SNCAIP: variants seen among roughly 807,000 people sequenced by gnomAD.
The protein encoded by SNCAIP is synphilin-1.
SNCAIP carries 43 observed loss-of-function variants against 86.7 expected under a neutral mutation model. That is an observed-to-expected ratio of 0.50 (90% CI 0.39 to 0.64). The LOEUF is 0.64. SNCAIP is among the 30% of genes least tolerant of loss of function. SNCAIP has a pLI of 0.00. For missense variants in SNCAIP, 981 were observed against 1,103.1 expected, an observed-to-expected ratio of 0.89 and a Z score of 1.57; for synonymous variants, 417 against 427.2, an observed-to-expected ratio of 0.98 and a Z score of 0.29.
intron 10 of SNCAIP, among the ~76,000 whole-genome samples, chr5:122,461,474 A>G (rs1021558674): frequency 6.6e-6 from 1 of 152,088 alleles, no homozygotes; most frequent in Non-Finnish European, 1.5e-5. Flanking sequence ...AATGTTAGAC[A>G]CACTGGACTG....
intron 1 of SNCAIP, among the ~76,000 whole-genome samples, chr5:122,372,987 A>G (rs1218029229): frequency 1.3e-5 from 2 of 152,134 alleles, no homozygotes; most frequent in Non-Finnish European, 2.9e-5. Context: ...AATCTCTGTC[A>G]TGTTATTGCT....
rs1308180144 is a variant in SNCAIP at position 122,453,012 on chromosome 5, G to T, written c.2754+1411G>T. 2.7e-6 allele frequency: 4 copies of T among 1,500,154 alleles called. No homozygotes were observed. In the Admixed American group the frequency reaches 5.9e-5, roughly 22 times the overall value. 92.9% of individuals were successfully genotyped at this position (1,500,154 alleles called of 1,614,324 possible). ...CGACACACGGTACGTGGTGCTAGGA[G>T]ATATGCTGTGCGGCATTGACATGCT... is the stretch of plus-strand genomic sequence containing the variant. On this transcript the variant is annotated intron_variant, in intron 10 of 10. Transcript: ENST00000261368.
At chr5:122,312,962 A>T (rs1750926503) in intron 1 of SNCAIP, 1 of 152,266 alleles carries the variant, frequency 6.6e-6, no homozygotes. Context: ...GTCAAAGGCC[A>T]CATTTTGTTT....
intron 1 of SNCAIP, among the ~76,000 whole-genome samples, chr5:122,322,934 A>C (rs1458870302): frequency 6.6e-6 from 1 of 152,202 alleles, no homozygotes; most frequent in Non-Finnish European, 1.5e-5. Context: ...CAACTAAAAT[A>C]TATTTCTTCA....
intron 1 of SNCAIP, among the ~76,000 whole-genome samples, chr5:122,314,129 CA>C (rs1285995533): frequency 6.6e-6 from 1 of 152,194 alleles, no homozygotes; most frequent in Non-Finnish European, 1.5e-5. Context: ...TAATTCCAGA[CA>C]GTTGTTCTGG....
intron 8 of SNCAIP, 147 bp from the exon 9 acceptor site, chr5:122,449,698 G>A (rs757257698): frequency 5.0e-5 from 32 of 644,474 alleles, no homozygotes; most frequent in Non-Finnish European, 8.1e-5. Flanking sequence ...GAAAATTTCT[G>A]AACCTGTAAG....
chr5:122,448,975 C>T (rs2152996157), intron 8 of SNCAIP, among the ~76,000 whole-genome samples: 1 of 151,060 alleles, frequency 6.6e-6, no homozygotes, highest in Non-Finnish European at 1.5e-5. Context: ...GAGATAGCAC[C>T]ACTGCAGTCC....
intron 1 of SNCAIP, among the ~76,000 whole-genome samples, chr5:122,357,229 TTTTA>T (rs554817683): frequency 2.6e-5 from 4 of 151,980 alleles, no homozygotes; most frequent in Non-Finnish European, 4.4e-5. Flanking sequence ...ACCTCTTTAT[TTTTA>T]TTTATTTATT....
chr5:122,410,485 A>C (rs1773891424), intron 3 of SNCAIP, among the ~76,000 whole-genome samples: 1 of 152,210 alleles, frequency 6.6e-6, no homozygotes, highest in Non-Finnish European at 1.5e-5. Context: ...AGATGGGGGC[A>C]GGAGGTGAGA....
chr5:122,451,469 C>T lies in SNCAIP; in HGVS notation c.2622C>T (p.Asn874=), dbSNP rs1783667968. The part of the protein sequence containing the change: ...FRSIMETLSG[N]QNNNNNYQAA... ...CTATCATGGAGACACTAAGTGGCAACCAAAACAATAATAATAACTACCAGG... is the reference window on the plus strand; with the variant it reads ...CTATCATGGAGACACTAAGTGGCAATCAAAACAATAATAATAACTACCAGG... Residue 874 remains asparagine, a synonymous_variant, in exon 10 of 11, where the codon AAC becomes AAT. Transcript: ENST00000261368. 1.2e-6 allele frequency: 2 copies of T among 1,613,704 alleles called. No individual in the cohort carries two copies. The highest frequency in any genetic ancestry group is 1.1e-5 in the South Asian group (1 of 91,064).
chr5:122,442,326 T>C (rs917193295), intron 7 of SNCAIP, among the ~76,000 whole-genome samples: 1 of 152,042 alleles, frequency 6.6e-6, no homozygotes, highest in Non-Finnish European at 1.5e-5. Context: ...AAACTATAAA[T>C]ATAAAAGGCA....
chr5:122,450,742 T>C lies in SNCAIP; in HGVS notation c.1895T>C (p.Val632Ala), dbSNP rs1178885619. Reference sequence around the variant, plus strand: ...TTGGGAAAGGAAATCTCAGAAAATGTCTGCACCCAGGAAAAACTGTCCTTG... The same window carrying C: ...TTGGGAAAGGAAATCTCAGAAAATGCCTGCACCCAGGAAAAACTGTCCTTG... ...QLLGKEISEN[V>A]CTQEKLSLEF... The change falls in exon 10 of 11, where the codon GTC becomes GCC. Residue 632 changes from valine to alanine, a missense_variant. Transcript: ENST00000261368. 11 of 1,614,038 alleles carry C rather than the reference T, an allele frequency of 6.8e-6. No individual in the cohort carries two copies. Among genetic ancestry groups the C allele is most frequent in the Middle Eastern group, 1.6e-4 (1 of 6,084 alleles).
intron 2 of SNCAIP, chr5:122,400,880 G>A (rs1771662979): frequency 1.7e-6 from 2 of 1,161,624 alleles, no homozygotes; most frequent in East Asian, 2.8e-5. Flanking sequence ...TATGTTCACT[G>A]GGAATAACCT....
chr5:122,444,848 C>A, intron 8 of SNCAIP, 116 bp downstream of exon 8: 1 of 888,424 alleles, frequency 1.1e-6, no homozygotes. Context: ...GAATTCCTAG[C>A]ATTCTCCTCT....
Position 122,450,947 on chromosome 5 carries a change from G to T in SNCAIP, c.2100G>T (p.Arg700Ser). Reference protein sequence around the residue: ...TTPVRKADRPRPQPIVESVES... With the variant: ...TTPVRKADRPSPQPIVESVES... ...CAGTGAGGAAGGCTGACCGACCAAGGCCGCAGCCCATTGTAGAAAGCGTAG... is the reference window on the plus strand; with the variant it reads ...CAGTGAGGAAGGCTGACCGACCAAGTCCGCAGCCCATTGTAGAAAGCGTAG... The change falls in exon 10 of 11, where the codon AGG becomes AGT. Residue 700 changes from arginine (R) to serine (S), a missense_variant. Physicochemically the swap from Arg to Ser is moderately radical, Grantham distance 110. Coordinates refer to ENST00000261368, the MANE Select transcript of SNCAIP (RefSeq NM_005460.4). 1 of 1,614,118 alleles carries T rather than the reference G, an allele frequency of 6.2e-7. No individual in the cohort carries two copies. The highest frequency in any genetic ancestry group is 8.5e-7 in the Non-Finnish European group (1 of 1,180,022).
intron 1 of SNCAIP, among the ~76,000 whole-genome samples, chr5:122,341,003 G>A (rs1461419087): frequency 6.6e-6 from 1 of 152,178 alleles, no homozygotes; most frequent in African/African-American, 2.4e-5. Flanking sequence ...TGGACTAAGA[G>A]GGAAGGAAAA....
chr5:122,364,266 G>A (rs1161071051), intron 1 of SNCAIP, among the ~76,000 whole-genome samples: 2 of 152,178 alleles, frequency 1.3e-5, no homozygotes. Context: ...CCATAAAAAT[G>A]GGCAACCAGC....
chr5:122,331,474 G>A (rs1475618496), intron 1 of SNCAIP, among the ~76,000 whole-genome samples: 1 of 152,118 alleles, frequency 6.6e-6, no homozygotes, highest in Non-Finnish European at 1.5e-5. Context: ...AATTACTTAA[G>A]AAATAAAAAA....
chr5:122,409,158 C>T (rs1450281437), intron 3 of SNCAIP, among the ~76,000 whole-genome samples: 1 of 152,170 alleles, frequency 6.6e-6, no homozygotes, highest in Non-Finnish European at 1.5e-5. Flanking sequence ...TTAATATCTA[C>T]TACTCATGTG....
Sources: allele counts gnomAD v4.1 joint callset (sites outside exome capture counted in the v4.1 genomes callset), GRCh38; gene constraint gnomAD v4.1.1; transcripts MANE v1.5; gene names NCBI Gene and HGNC (gene_info 2026-07-23, HGNC 2026-07-21).